The following PCDHGB3 variants were observed in gnomAD, a reference collection of about 807,000 sequenced individuals.
The protein encoded by PCDHGB3 is protocadherin gamma subfamily B, 3, also known as protocadherin gamma-B3.
A neutral mutation model predicts 59.2 loss-of-function variants in PCDHGB3; 40 were observed. That is an observed-to-expected ratio of 0.68 (90% CI 0.52 to 0.88). The LOEUF (loss-of-function observed/expected upper bound fraction) is 0.88. Among genes scored for constraint, PCDHGB3 ranks in the 40% least tolerant of loss-of-function variants. The pLI is 0.00. For synonymous variants in PCDHGB3, 581 were observed against 503.6 expected (o/e 1.15, Z -2.06); for missense variants, 1,309 against 1,187.9 (o/e 1.10, Z -1.50).
In PCDHGB3 at chr5:141,413,451, C is replaced by T. The variant is rs1561742650; in HGVS notation, c.2415+40642C>T. 6.2e-6 allele frequency: 10 copies of T among 1,614,118 alleles called. No homozygotes were observed. The South Asian group carries it at 1.1e-4, about 18-fold the overall frequency. ...GCAGCGGCAGCTTGATCACCGCGGGCAGGATAGACCGGGAGGAGCTCTGCG... is the reference window on the plus strand; with the variant it reads ...GCAGCGGCAGCTTGATCACCGCGGGTAGGATAGACCGGGAGGAGCTCTGCG... On this transcript the variant is annotated intron_variant, in intron 1 of 3. Transcript: ENST00000576222.
chr5:141,409,341 G>C, intron 1 of PCDHGB3: 1 of 1,613,976 alleles, frequency 6.2e-7, no homozygotes, highest in Non-Finnish European at 8.5e-7. Flanking sequence ...GGAGGAAATG[G>C]AGAAGTCAGG....
rs768265171 is a variant in PCDHGB3, at chr5:141,432,847, G to T, written c.2415+60038G>T. The T allele has an allele frequency of 6.2e-7, 1 of 1,614,180 alleles. No homozygotes were observed. On this transcript the variant is annotated intron_variant, in intron 1 of 3. Transcript: ENST00000576222. The surrounding 1 kb of genome is among the most constrained non-coding windows in gnomAD (Gnocchi z 6.0). ...ACCTCACTCTGTACCTGGTGGTAGC[G>T]GTGGCCGCGGTCTCCTGCGTCTTCC...
chr5:141,443,367 C>T (rs1305408862), intron 1 of PCDHGB3, among the ~76,000 whole-genome samples: 1 of 151,712 alleles, frequency 6.6e-6, no homozygotes, highest in African/African-American at 2.4e-5. Flanking sequence ...TGCCTGTGGT[C>T]TCAGCTACTT....
At position 141,450,051 on chromosome 5, in the gene PCDHGB3, G is replaced by C. The variant is rs576363410; in HGVS notation, c.2416-44756G>C. ...AGACAGGGTCTCACTCTTTCGCCCA[G>C]GCTGGAATGCAGTGGTATGATCTTG... On this transcript the variant is annotated intron_variant, in intron 1 of 3. Coordinates refer to ENST00000576222, the MANE Select transcript of PCDHGB3 (RefSeq NM_018924.5). Among the ~76,000 whole-genome samples, 362 of 139,654 alleles carry C rather than the reference G, an allele frequency of 2.6e-3. 1 individual carries two copies. Among genetic ancestry groups the C allele is most frequent in the South Asian group, 5.5e-3 (25 of 4,506 alleles). 91.6% of individuals were successfully genotyped at this position (139,654 alleles called of 152,430 possible). A position where few individuals can be genotyped will look rare whatever the true frequency, so the allele number is the denominator to read the frequency against.
chr5:141,465,142 T>TCCCTAA (rs2099097979), intron 1 of PCDHGB3, among the ~76,000 whole-genome samples: 3 of 151,990 alleles, frequency 2.0e-5, no homozygotes, highest in Non-Finnish European at 4.4e-5. Flanking sequence ...GTTTAGGGGA[T>TCCCTAA]ATATGAAGGG....
At chr5:141,502,866 C>CTTTTTTTT (rs549047197) in intron 2 of PCDHGB3, among the ~76,000 whole-genome samples, 38,988 of 127,080 alleles carry the variant, frequency 0.31, 7,978 homozygotes, top group African/African-American at 0.51. Flanking sequence ...GACTCTCTGT[C>CTTTTTTTT]TTTTTTTTTT....
intron 1 of PCDHGB3, chr5:141,384,966 C>A: frequency 6.2e-7 from 1 of 1,614,142 alleles, no homozygotes; most frequent in South Asian, 1.1e-5. Flanking sequence ...ACTATGACCT[C>A]ACGTTGTACC....
At chr5:141,417,052 CTT>C (rs1308339867) in intron 1 of PCDHGB3, 2 of 151,464 alleles carry the variant, frequency 1.3e-5, no homozygotes, top group African/African-American at 4.9e-5. Context: ...AAAAACTGCT[CTT>C]GACATTGTAG....
chr5:141,383,970 T>A (rs754557705), intron 1 of PCDHGB3: 1 of 1,613,730 alleles, frequency 6.2e-7, no homozygotes, highest in Admixed American at 1.7e-5. Context: ...GCTCAATCCC[T>A]GAAGACACAC....
chr5:141,389,675 A>C, intron 1 of PCDHGB3: 1 of 1,612,412 alleles, frequency 6.2e-7, no homozygotes, highest in Non-Finnish European at 8.5e-7. Flanking sequence ...CAGACTCAGG[A>C]CACAACGCCT....
chr5:141,478,489 C>T (rs779457709), intron 1 of PCDHGB3: 99 of 1,613,162 alleles, frequency 6.1e-5, no homozygotes, highest in Non-Finnish European at 8.1e-5. Context: ...CGCTGCGGAG[C>T]TGTGATCCGG....
chr5:141,395,407 G>A (rs1467176036), intron 1 of PCDHGB3: 1 of 826,654 alleles, frequency 1.2e-6, no homozygotes, highest in Non-Finnish European at 1.8e-6. Context: ...ATAGTCATAG[G>A]TTATTGTTTC....
At chr5:141,415,040 C>T (rs772941952) in intron 1 of PCDHGB3, 8 of 1,613,520 alleles carry the variant, frequency 5.0e-6, no homozygotes, top group South Asian at 1.1e-5. Context: ...GGACTCTTCG[C>T]GGTGGGGGAG....
intron 1 of PCDHGB3, chr5:141,414,452 T>C (rs767824112): frequency 6.2e-7 from 1 of 1,613,886 alleles, no homozygotes. Flanking sequence ...AATATCACAG[T>C]GACAGCCACA....
chr5:141,420,075 G>A (rs893749179), intron 1 of PCDHGB3: 17 of 1,613,944 alleles, frequency 1.1e-5, no homozygotes, highest in Admixed American at 6.7e-5. Context: ...GGACCTGTGG[G>A]TCCCCCCAAC....
intron 1 of PCDHGB3, chr5:141,426,438 G>A (rs567163831): frequency 4.7e-5 from 14 of 300,110 alleles, no homozygotes; most frequent in Admixed American, 1.7e-4. Context: ...GGAACCTTGC[G>A]GAGGACATGC....
At chr5:141,499,029 A>AAGGAAGGAAGGAAGGAAGGAAGG (rs1562187768) in intron 2 of PCDHGB3, among the ~76,000 whole-genome samples, 1 of 139,968 alleles carries the variant, frequency 7.1e-6, no homozygotes, top group African/African-American at 2.8e-5. Flanking sequence ...AGGAAGGAAG[A>AAGGAAGGAAGGAAGGAAGGAAGG]AAAGAAAGAA....
chr5:141,422,470 T>C, intron 1 of PCDHGB3: 1 of 1,613,440 alleles, frequency 6.2e-7, no homozygotes, highest in Non-Finnish European at 8.5e-7. Flanking sequence ...GGACAGGGAG[T>C]TGGTCCAGAG....
In PCDHGB3 at chr5:141,372,365, C is replaced by G; in HGVS notation, c.1971C>G (p.Thr657=). ...RDGGQQPLSA[T]VMLHLIFADS... ...GAGGACAGCAGCCTCTTTCAGCCACCGTCATGCTGCACCTAATCTTCGCAG... is the reference window on the plus strand; with the variant it reads ...GAGGACAGCAGCCTCTTTCAGCCACGGTCATGCTGCACCTAATCTTCGCAG... The change falls in exon 1 of 4, where the codon ACC becomes ACG. Residue 657 remains threonine, a synonymous_variant. Transcript: ENST00000576222. 1 of 1,613,966 alleles carries G rather than the reference C, an allele frequency of 6.2e-7. No homozygotes were observed. The highest frequency in any genetic ancestry group is 1.1e-5 in the South Asian group (1 of 91,088).
Sources: allele counts gnomAD v4.1 joint callset (sites outside exome capture counted in the v4.1 genomes callset), GRCh38; gene constraint gnomAD v4.1.1; non-coding constraint Gnocchi (gnomAD v3.1); transcripts MANE v1.5; gene names NCBI Gene and HGNC (gene_info 2026-07-23, HGNC 2026-07-21).